Variants in RBM20 observed in about 807,000 individuals in gnomAD.
The protein encoded by RBM20 is RNA-binding protein 20.
A neutral mutation model predicts 110.1 loss-of-function variants in RBM20; 51 were observed. The ratio of observed to expected loss-of-function variants is 0.46; its 90% confidence interval spans 0.37 to 0.59. RBM20 has a LOEUF of 0.59. Ranked by LOEUF, RBM20 falls within the 20% of genes least tolerant of loss-of-function variation. The pLI, the probability that RBM20 is intolerant of heterozygous loss-of-function variation, is 0.00. For missense variants in RBM20, 1,512 were observed against 1,574.9 expected, an observed-to-expected ratio of 0.96 and a Z score of 0.68; for synonymous variants, 589 against 618.2, an observed-to-expected ratio of 0.95 and a Z score of 0.70.
chr10:110,823,455 TTTTGCC>T lies in RBM20; in HGVS notation c.3317-22_3317-17del. 4 of 871,536 alleles carry T rather than the reference TTTTGCC, an allele frequency of 4.6e-6. No homozygotes were observed. Among genetic ancestry groups the T allele is most frequent in the South Asian group, 3.2e-5 (1 of 31,198 alleles). 54.0% of individuals were successfully genotyped at this position (871,536 alleles called of 1,614,324 possible). A position where few individuals can be genotyped will look rare whatever the true frequency, so the allele number is the denominator to read the frequency against. ...TCTTTTTTTTTTTTTTTTTTTTTTT[TTTTGCC>T]TTGGTTCATGTTTTGCAGAAAACTC... On this transcript the variant is annotated intron_variant, in intron 11 of 13. Coordinates refer to ENST00000369519, the MANE Select transcript of RBM20 (RefSeq NM_001134363.3).
chr10:110,680,128 G>A (rs963383398), intron 1 of RBM20, among the ~76,000 whole-genome samples: 3 of 152,136 alleles, frequency 2.0e-5, no homozygotes, highest in South Asian at 4.1e-4. Flanking sequence ...CCGGGCACCT[G>A]TTGTCATGCA....
At chr10:110,736,759 G>A (rs1382709408) in intron 1 of RBM20, among the ~76,000 whole-genome samples, 1 of 152,140 alleles carries the variant, frequency 6.6e-6, no homozygotes, top group East Asian at 1.9e-4. Flanking sequence ...GCTATGGTTT[G>A]AATGTTTGTA....
chr10:110,774,473 A>G (rs1395806976), intron 1 of RBM20, among the ~76,000 whole-genome samples: 1 of 152,106 alleles, frequency 6.6e-6, no homozygotes, highest in Non-Finnish European at 1.5e-5. Context: ...GTGTGGCCTC[A>G]TCTTCTCCTT....
intron 1 of RBM20, among the ~76,000 whole-genome samples, chr10:110,740,601 C>A (rs1165128526): frequency 6.6e-6 from 1 of 152,130 alleles, no homozygotes; most frequent in Non-Finnish European, 1.5e-5. Flanking sequence ...GTCTCCCTCT[C>A]CCACCAGGGC....
intron 1 of RBM20, among the ~76,000 whole-genome samples, chr10:110,741,760 C>A (rs1298615934): frequency 4.0e-5 from 6 of 151,626 alleles, no homozygotes; most frequent in Admixed American, 3.9e-4. Context: ...TTTCACCAAG[C>A]CTGAGCTCAG....
chr10:110,754,818 C>G (rs1843901765), intron 1 of RBM20, among the ~76,000 whole-genome samples: 2 of 152,204 alleles, frequency 1.3e-5, no homozygotes, highest in Non-Finnish European at 2.9e-5. Flanking sequence ...AGGTCGGTTT[C>G]TGCTCTCTGC....
At chr10:110,725,603 G>T (rs1466748146) in intron 1 of RBM20, among the ~76,000 whole-genome samples, 1 of 152,192 alleles carries the variant, frequency 6.6e-6, no homozygotes, top group Non-Finnish European at 1.5e-5. Context: ...TCTGTTTTGT[G>T]TACATGTATA....
chr10:110,706,749 T>C (rs1236774912), intron 1 of RBM20, among the ~76,000 whole-genome samples: 6 of 152,224 alleles, frequency 3.9e-5, no homozygotes, highest in Non-Finnish European at 5.9e-5. Context: ...TTTCTCCTAA[T>C]CAAAGAGGGT....
chr10:110,743,541 T>TACAC (rs56256343), intron 1 of RBM20, among the ~76,000 whole-genome samples: 1,629 of 150,582 alleles, frequency 0.011, 28 homozygotes, highest in African/African-American at 0.037. Flanking sequence ...AGTTTATACA[T>TACAC]ACACACACAC....
intron 1 of RBM20, among the ~76,000 whole-genome samples, chr10:110,697,913 C>CTTTTT (rs1235614720): frequency 8.5e-6 from 1 of 117,938 alleles, no homozygotes; most frequent in Non-Finnish European, 1.9e-5. Flanking sequence ...TTTTTTTTTT[C>CTTTTT]TTTTTTTTTT....
chr10:110,650,155 A>G (rs1981250), intron 1 of RBM20, among the ~76,000 whole-genome samples: 150,422 of 152,300 alleles, frequency 0.99, 74,319 homozygotes, highest in East Asian at 1. Context: ...TGAAAGTGAG[A>G]AGGACCCCTC....
At chr10:110,811,981 G>A (rs1420399577) in intron 8 of RBM20, among the ~76,000 whole-genome samples, 16 of 152,242 alleles carry the variant, frequency 1.1e-4, no homozygotes, top group Admixed American at 1.0e-3. Flanking sequence ...CCAAGAGAAG[G>A]CAAGCTGGAA....
chr10:110,788,595 C>T (rs1844448658), intron 5 of RBM20, among the ~76,000 whole-genome samples: 1 of 152,204 alleles, frequency 6.6e-6, no homozygotes, highest in South Asian at 2.1e-4. Flanking sequence ...CCCGGTTTGC[C>T]ATTGCCAGCA....
intron 1 of RBM20, among the ~76,000 whole-genome samples, chr10:110,767,189 C>T (rs1418987902): frequency 7.8e-6 from 1 of 128,692 alleles, no homozygotes; most frequent in African/African-American, 2.9e-5. Flanking sequence ...CCCTCCCAGA[C>T]GGGGCGGCTG....
At chr10:110,727,901 G>A (rs371114779) in intron 1 of RBM20, among the ~76,000 whole-genome samples, 1 of 152,258 alleles carries the variant, frequency 6.6e-6, no homozygotes, top group East Asian at 1.9e-4. Context: ...AACATGTGGT[G>A]TTTGGTTTTC....
At chr10:110,715,836 C>G (rs891232321) in intron 1 of RBM20, among the ~76,000 whole-genome samples, 5 of 152,166 alleles carry the variant, frequency 3.3e-5, no homozygotes, top group African/African-American at 1.2e-4. Context: ...TCACCCCAGC[C>G]TGGAGATAGC....
intron 1 of RBM20, among the ~76,000 whole-genome samples, chr10:110,679,958 C>T (rs1008036926): frequency 2.0e-5 from 3 of 152,216 alleles, no homozygotes; most frequent in Admixed American, 6.5e-5. Context: ...TCAGTTTCAT[C>T]CCTGGACTGA....
chr10:110,678,109 G>A (rs1862366475), intron 1 of RBM20, among the ~76,000 whole-genome samples: 2 of 152,016 alleles, frequency 1.3e-5, no homozygotes, highest in Admixed American at 6.6e-5. Flanking sequence ...AACATAAACT[G>A]GGATAAATAA....
Position 110,644,631 on chromosome 10 carries a change from C to A in RBM20, c.177C>A (p.Pro59=), listed in dbSNP as rs538445732. The A allele has an allele frequency of 1.3e-6, 2 of 1,508,936 alleles. No homozygotes were observed. Among genetic ancestry groups the A allele is most frequent in the South Asian group, 2.5e-5 (2 of 80,096 alleles). 93.5% of individuals were successfully genotyped at this position (1,508,936 alleles called of 1,614,324 possible). Residue 59 remains proline, a synonymous_variant, in exon 1 of 14, where the codon CCC becomes CCA. Transcript: ENST00000369519. The surrounding 1 kb of genome is among the most constrained non-coding windows in gnomAD (Gnocchi z 4.3). ...CGCCCCCGCCCCAAGCCGGCCTACCCCAGATCATCCAAAAGTAAGAAGGGA... is the reference window on the plus strand; with the variant it reads ...CGCCCCCGCCCCAAGCCGGCCTACCACAGATCATCCAAAAGTAAGAAGGGA... ...QPPPPPQAGL[P]QIIQNAAKLL...
Sources: gnomAD v4.1 joint callset for allele counts (sites outside exome capture counted in the v4.1 genomes callset) on GRCh38, gnomAD v4.1.1 for gene constraint, Gnocchi (gnomAD v3.1) non-coding constraint, MANE v1.5 for transcripts, NCBI Gene and HGNC (gene_info 2026-07-23, HGNC 2026-07-21) for gene names.